Variants in SHCBP1L observed in about 807,000 individuals in gnomAD.
The protein encoded by SHCBP1L is testicular spindle-associated protein SHCBP1L.
SHCBP1L carries 67 observed loss-of-function variants against 62.5 expected under a neutral mutation model. The ratio of observed to expected loss-of-function variants is 1.07; its 90% CI spans 0.88 to 1.31. SHCBP1L has a LOEUF of 1.31. SHCBP1L is among the 40% of genes most tolerant of loss of function. SHCBP1L has a pLI of 0.00. For synonymous variants in SHCBP1L, 284 were observed against 289.4 expected (o/e 0.98, Z 0.19); for missense variants, 823 against 809.8 (o/e 1.02, Z -0.20).
At chr1:182,924,797 A>AAAGAGAGAGAAAGG in intron 6 of SHCBP1L, among the ~76,000 whole-genome samples, 1 of 122,832 alleles carries the variant, frequency 8.1e-6, no homozygotes, top group African/African-American at 4.4e-5. Flanking sequence ...AGAGAGAAAG[A>AAAGAGAGAGAAAGG]AAGGAAGGAA....
At chr1:182,907,562 C>A (rs182682163) in intron 6 of SHCBP1L, among the ~76,000 whole-genome samples, 8,888 of 149,162 alleles carry the variant, frequency 0.06, 668 homozygotes, top group African/African-American at 0.18. Flanking sequence ...CTTTCTTATT[C>A]TTATTATTAT....
chr1:182,953,119 G>C lies in SHCBP1L; in HGVS notation c.15C>G (p.Ser5=), dbSNP rs1472270828. The change falls in exon 1 of 10, where the codon TCC becomes TCG. Residue 5 remains serine (S), a synonymous_variant. Coordinates refer to ENST00000367547, the MANE Select transcript of SHCBP1L (RefSeq NM_030933.4). The part of the protein sequence containing the change: MASG[S]KASVPADSFR... ...ATGAGTCCGCGGGCACCGAGGCCTTGGAGCCCGACGCCATCTCCTCAGCAG... is the reference window on the plus strand; with the variant it reads ...ATGAGTCCGCGGGCACCGAGGCCTTCGAGCCCGACGCCATCTCCTCAGCAG... 6.3e-7 allele frequency: 1 copy of C among 1,579,452 alleles called. No homozygotes were observed. Among genetic ancestry groups the C allele is most frequent in the Non-Finnish European group, 8.5e-7 (1 of 1,171,024 alleles).
chr1:182,913,561 G>A (rs1048071927), intron 6 of SHCBP1L, among the ~76,000 whole-genome samples: 4 of 152,166 alleles, frequency 2.6e-5, no homozygotes, highest in Admixed American at 1.3e-4. Flanking sequence ...ACTTGAAAAC[G>A]TAATGGCCGA....
At chr1:182,941,039 A>G (rs1651345911) in intron 2 of SHCBP1L, among the ~76,000 whole-genome samples, 1 of 152,160 alleles carries the variant, frequency 6.6e-6, no homozygotes, top group African/African-American at 2.4e-5. Flanking sequence ...AAATTTTTCA[A>G]CAAATTTTGC....
chr1:182,933,420 G>A lies in SHCBP1L; in HGVS notation c.1077-3668C>T, dbSNP rs542251696. On this transcript the variant is annotated intron_variant, in intron 5 of 9. Transcript: ENST00000367547. ...TATCCTTATCATGCTCCTGATTGTA[G>A]GGGGAAAAACATCTCTTCTTTCACC... is the stretch of plus-strand genomic sequence containing the variant. Among the ~76,000 whole-genome samples the A allele has an allele frequency of 1.4e-4, 22 of 152,166 alleles. No individual in the cohort carries two copies. In the South Asian group the frequency reaches 4.4e-3, roughly 30 times the overall value.
In SHCBP1L at chr1:182,918,225, C is replaced by CACATATATATACACAT. The variant is rs1557994278; in HGVS notation, c.1182+11421_1182+11422insATGTGTATATATATGT. On this transcript the variant is annotated intron_variant, in intron 6 of 9. Coordinates refer to ENST00000367547, the MANE Select transcript of SHCBP1L (RefSeq NM_030933.4). Reference sequence around the variant, plus strand: ...ACATATATATACACATATATATACACATATATATATACATATATATACACA... The same window carrying CACATATATATACACAT: ...ACATATATATACACATATATATACACACATATATATACACATATATATATATACATATATATACACA... Among the ~76,000 whole-genome samples the CACATATATATACACAT allele has an allele frequency of 2.1e-4, 30 of 140,930 alleles. No homozygotes were observed. In the East Asian group the frequency reaches 6.1e-3, roughly 28 times the overall value. The allele number at this position is 140,930 out of a possible 152,430, so 92.5% of individuals were successfully genotyped here. A position where few individuals can be genotyped will look rare whatever the true frequency, so the allele number is the denominator to read the frequency against.
At position 182,904,418 on chromosome 1, in the gene SHCBP1L, CTCTT is replaced by C. The variant is rs776056368; in HGVS notation, c.1345_1348del (p.Lys449GlufsTer5). 5.6e-6 allele frequency: 9 copies of C among 1,614,018 alleles called. No individual in the cohort carries two copies. The highest frequency in any genetic ancestry group is 6.8e-6 in the Non-Finnish European group (8 of 1,179,978). On this transcript the variant is annotated frameshift_variant, in exon 8 of 10. Transcript: ENST00000367547. LOFTEE classifies it high-confidence loss of function. ...TTCAGAAGTAATCATAATTTCCTCT[CTCTT>C]TCCAACTCCTGATTCATAGGGATAA...
intron 6 of SHCBP1L, among the ~76,000 whole-genome samples, chr1:182,925,183 G>A (rs1490758101): frequency 2.6e-5 from 4 of 152,072 alleles, no homozygotes; most frequent in Admixed American, 6.6e-5. Context: ...CAGTGATCAC[G>A]GACAGGCAAT....
intron 6 of SHCBP1L, among the ~76,000 whole-genome samples, chr1:182,920,219 G>A (rs1650487253): frequency 6.6e-6 from 1 of 152,180 alleles, no homozygotes; most frequent in Admixed American, 6.5e-5. Context: ...CTCCAGTGCA[G>A]GAGGTGATTA....
Position 182,929,634 on chromosome 1 carries a change from G to C in SHCBP1L, c.1182+13C>G, listed in dbSNP as rs2101941653. ...AATACTTAAATAACAAATAAGAATAGTTTATTTCTTACCATTTCAGTAGTC... is the reference window on the plus strand; with the variant it reads ...AATACTTAAATAACAAATAAGAATACTTTATTTCTTACCATTTCAGTAGTC... On this transcript the variant is annotated intron_variant, in intron 6 of 9. Coordinates refer to ENST00000367547, the MANE Select transcript of SHCBP1L (RefSeq NM_030933.4). 1 of 1,473,142 alleles carries C rather than the reference G, an allele frequency of 6.8e-7. No individual in the cohort carries two copies. Among genetic ancestry groups the C allele is most frequent in the Non-Finnish European group, 9.2e-7 (1 of 1,085,446 alleles). 91.3% of individuals were successfully genotyped at this position (1,473,142 alleles called of 1,614,324 possible).
intron 2 of SHCBP1L, among the ~76,000 whole-genome samples, chr1:182,945,821 AG>A (rs1007616087): frequency 3.3e-5 from 5 of 152,158 alleles, no homozygotes; most frequent in Admixed American, 2.6e-4. Flanking sequence ...GCACTTTGGG[AG>A]GCCGAGGTGG....
At chr1:182,940,612 C>G in intron 2 of SHCBP1L, 69 bp from the exon 3 acceptor site, 5 of 1,260,556 alleles carry the variant, frequency 4.0e-6, no homozygotes, top group Non-Finnish European at 5.5e-6. Context: ...ATTTCTTTCT[C>G]ATATATGAGC....
intron 6 of SHCBP1L, among the ~76,000 whole-genome samples, chr1:182,924,695 GGAAAGGAAGAAAGAAAGAAA>G (rs1650623970): frequency 3.9e-5 from 3 of 76,856 alleles, no homozygotes; most frequent in South Asian, 4.2e-4. Flanking sequence ...GGAAAGGAAA[GGAAAGGAAGAAAGAAAGAAA>G]GAAAGAAAGA....
chr1:182,936,139 T>G (rs1487050650), intron 5 of SHCBP1L, among the ~76,000 whole-genome samples: 51 of 139,972 alleles, frequency 3.6e-4, no homozygotes, highest in Non-Finnish European at 6.5e-4. Flanking sequence ...TGTTTTTTTT[T>G]TTTTTTTTTT....
At position 182,940,548 on chromosome 1, in the gene SHCBP1L, GATAAATATC is replaced by G; in HGVS notation, c.556-14_556-6del. On this transcript the variant is annotated splice_region_variant and splice_polypyrimidine_tract_variant and intron_variant, in intron 2 of 9. Coordinates refer to ENST00000367547, the MANE Select transcript of SHCBP1L (RefSeq NM_030933.4). ...TTGGTATGGTTCACAAGTTACCTAA[GATAAATATC>G]ATAAGAGATAAGAGATATAGTTATA... is the stretch of plus-strand genomic sequence containing the variant. The G allele has an allele frequency of 6.2e-7, 1 of 1,610,748 alleles. No homozygotes were observed. The highest frequency in any genetic ancestry group is 8.5e-7 in the Non-Finnish European group (1 of 1,177,782).
At position 182,904,187 on chromosome 1, in the gene SHCBP1L, CCA is replaced by C. The variant is rs773636061; in HGVS notation, c.1578_1579del (p.Gly527ArgfsTer7). On this transcript the variant is annotated frameshift_variant, in exon 8 of 10. Coordinates refer to ENST00000367547, the MANE Select transcript of SHCBP1L (RefSeq NM_030933.4). LOFTEE classifies it high-confidence loss of function. ...TTTTAAAGAATGAAATACCTGGGCG[CCA>C]GTTATTTCACTGTCTGTAATTGTCA... 1.4e-5 allele frequency: 22 copies of C among 1,613,676 alleles called. No individual in the cohort carries two copies. The Admixed American group carries it at 2.2e-4, about 16-fold the overall frequency.
At chr1:182,909,240 C>T in intron 6 of SHCBP1L, among the ~76,000 whole-genome samples, 1 of 152,042 alleles carries the variant, frequency 6.6e-6, no homozygotes, top group East Asian at 1.9e-4. Context: ...AGTGGAGTCA[C>T]TAGATAGAGG....
chr1:182,928,794 T>A (rs937417973), intron 6 of SHCBP1L, among the ~76,000 whole-genome samples: 18 of 152,094 alleles, frequency 1.2e-4, no homozygotes, highest in Non-Finnish European at 7.4e-5. Flanking sequence ...GGTGAGACAA[T>A]TAAGTGGTCA....
intron 6 of SHCBP1L, among the ~76,000 whole-genome samples, chr1:182,921,051 G>A (rs1036928474): frequency 6.6e-6 from 1 of 151,926 alleles, no homozygotes; most frequent in Non-Finnish European, 1.5e-5. Context: ...TATACAAAAT[G>A]ACCATCCCCA....
Sources: allele counts gnomAD v4.1 joint callset (sites outside exome capture counted in the v4.1 genomes callset), GRCh38; gene constraint gnomAD v4.1.1; transcripts MANE v1.5; gene names NCBI Gene and HGNC (gene_info 2026-07-23, HGNC 2026-07-21).